The following CPE variants were observed in gnomAD, a reference collection of about 807,000 sequenced individuals.
CPE encodes the protein carboxypeptidase E, also known as carbocypeptidase E.
In CPE, 17 loss-of-function variants were observed where a neutral mutation model predicts 53.5. The observed-to-expected ratio is 0.32, with a 90% CI of 0.22 to 0.48. CPE has a LOEUF of 0.48. CPE is among the 20% of genes least tolerant of loss of function. The pLI is 0.99. For missense variants in CPE, 524 were observed against 614.7 expected, an observed-to-expected ratio of 0.85 and a Z score of 1.56; for synonymous variants, 226 against 228.8, an observed-to-expected ratio of 0.99 and a Z score of 0.11.
At chr4:165,492,887 G>A (rs1315996098) in intron 6 of CPE, among the ~76,000 whole-genome samples, 1 of 152,104 alleles carries the variant, frequency 6.6e-6, no homozygotes, top group African/African-American at 2.4e-5. Flanking sequence ...ATGAGGAGTG[G>A]TCTCCTCCCT....
intron 7 of CPE, among the ~76,000 whole-genome samples, chr4:165,495,266 C>CT (rs988517136): frequency 1.3e-5 from 2 of 152,014 alleles, no homozygotes; most frequent in Admixed American, 6.5e-5. Flanking sequence ...ATTCATCTGT[C>CT]TTTTTACCTG....
intron 1 of CPE, among the ~76,000 whole-genome samples, chr4:165,407,536 C>T (rs367863332): frequency 2.1e-3 from 324 of 151,090 alleles, no homozygotes; most frequent in Non-Finnish European, 2.6e-3. Context: ...AGCATCATGC[C>T]GGGCTTCAAT....
chr4:165,413,963 A>G (rs28431041), intron 1 of CPE, among the ~76,000 whole-genome samples: 64 of 152,334 alleles, frequency 4.2e-4, no homozygotes, highest in African/African-American at 1.5e-3. Context: ...TTTGACGAGT[A>G]TTCTATTTTG....
intron 1 of CPE, chr4:165,415,045 CTTTAA>C (rs1731100210): frequency 1.2e-5 from 2 of 160,934 alleles, no homozygotes; most frequent in Admixed American, 6.6e-5. Context: ...GGTTTTGAAT[CTTTAA>C]TTTATCTCCT....
At chr4:165,493,100 A>G in intron 6 of CPE, 71 bp from the exon 7 acceptor site, 2 of 939,290 alleles carry the variant, frequency 2.1e-6, no homozygotes, top group Non-Finnish European at 3.4e-6. Context: ...GCTTGATATG[A>G]AACATATTTA....
intron 1 of CPE, among the ~76,000 whole-genome samples, chr4:165,441,422 ATTTGAAT>A (rs1445790790): frequency 6.6e-6 from 1 of 152,100 alleles, no homozygotes; most frequent in Admixed American, 6.6e-5. Context: ...TGGAGCCATC[ATTTGAAT>A]TTCCATCACG....
chr4:165,465,963 A>G (rs1262230044), intron 2 of CPE, among the ~76,000 whole-genome samples: 1 of 152,216 alleles, frequency 6.6e-6, no homozygotes, highest in Non-Finnish European at 1.5e-5. Flanking sequence ...GTGAAATTTG[A>G]TAAATATCTC....
chr4:165,479,996 A>C (rs1732375596), intron 3 of CPE, among the ~76,000 whole-genome samples: 1 of 151,798 alleles, frequency 6.6e-6, no homozygotes, highest in Non-Finnish European at 1.5e-5. Context: ...CGCCTCAAAA[A>C]AAAAAAAAAA....
intron 1 of CPE, among the ~76,000 whole-genome samples, chr4:165,424,160 C>A (rs1463503592): frequency 6.6e-6 from 1 of 151,522 alleles, no homozygotes; most frequent in Non-Finnish European, 1.5e-5. Flanking sequence ...AGATATTTTG[C>A]CTTTTCAAAT....
chr4:165,433,490 T>C (rs1731445934), intron 1 of CPE, among the ~76,000 whole-genome samples: 1 of 152,184 alleles, frequency 6.6e-6, no homozygotes, highest in South Asian at 2.1e-4. Context: ...CTTATTATCC[T>C]CTCAGCCCCT....
Position 165,379,748 on chromosome 4 carries a change from C to T in CPE, c.307+220C>T, listed in dbSNP as rs1328090073. Among the ~76,000 whole-genome samples the T allele has an allele frequency of 6.6e-6, 1 of 152,200 alleles. No individual in the cohort carries two copies. On this transcript the variant is annotated intron_variant, in intron 1 of 8. Transcript: ENST00000402744. This position sits in a 1 kb window ranked among gnomAD's most constrained non-coding sequence, Gnocchi z 6.0. ...CAATTTCTGCTTTCCCGTCCCATCC[C>T]CCCAGCACCAATCCCATCTCCCCAG...
At position 165,393,416 on chromosome 4, in the gene CPE, T is replaced by C. The variant is rs527260545; in HGVS notation, c.307+13888T>C. ...TTAGGGTAAATTTATTTTGAATTAC[T>C]CCTGATGTTAAACCCAATCTTCATT... On this transcript the variant is annotated intron_variant, in intron 1 of 8. Coordinates refer to ENST00000402744, the MANE Select transcript of CPE (RefSeq NM_001873.4). Among the ~76,000 whole-genome samples the C allele has an allele frequency of 8.5e-5, 13 of 152,324 alleles. No homozygotes were observed. In the East Asian group the frequency reaches 2.3e-3, roughly 27 times the overall value.
chr4:165,469,612 C>CT (rs1228392835), intron 3 of CPE, among the ~76,000 whole-genome samples: 3 of 152,192 alleles, frequency 2.0e-5, no homozygotes, highest in South Asian at 4.1e-4. Flanking sequence ...AAGACAGATT[C>CT]TTTTTTCACA....
intron 1 of CPE, among the ~76,000 whole-genome samples, chr4:165,417,367 GC>G (rs1379798177): frequency 6.6e-6 from 1 of 152,136 alleles, no homozygotes; most frequent in African/African-American, 2.4e-5. Flanking sequence ...TCATTATAGA[GC>G]AGTTTCTAAG....
At chr4:165,384,051 G>A (rs1730546082) in intron 1 of CPE, among the ~76,000 whole-genome samples, 1 of 152,168 alleles carries the variant, frequency 6.6e-6, no homozygotes, top group Admixed American at 6.5e-5. Flanking sequence ...TTCAGAGGTG[G>A]CAGACGACTC....
chr4:165,426,337 G>A (rs1731317258), intron 1 of CPE, among the ~76,000 whole-genome samples: 1 of 152,148 alleles, frequency 6.6e-6, no homozygotes, highest in Non-Finnish European at 1.5e-5. Flanking sequence ...GTTTAAACAG[G>A]AAAAATGTTA....
intron 3 of CPE, among the ~76,000 whole-genome samples, chr4:165,476,263 T>C (rs942227130): frequency 2.0e-5 from 3 of 152,178 alleles, no homozygotes; most frequent in African/African-American, 4.8e-5. Flanking sequence ...ACCTTTTGAC[T>C]TGGGGCTTTA....
intron 1 of CPE, among the ~76,000 whole-genome samples, chr4:165,387,333 G>A (rs945146827): frequency 6.6e-6 from 1 of 152,032 alleles, no homozygotes; most frequent in Non-Finnish European, 1.5e-5. Context: ...TTCCACTACT[G>A]GTAAATATTT....
intron 1 of CPE, among the ~76,000 whole-genome samples, chr4:165,401,723 T>A (rs1023906160): frequency 6.6e-6 from 1 of 152,212 alleles, no homozygotes; most frequent in Non-Finnish European, 1.5e-5. Flanking sequence ...GAACATGAAA[T>A]ACTTTTGGAA....
Sources: allele counts gnomAD v4.1 joint callset (sites outside exome capture counted in the v4.1 genomes callset), GRCh38; gene constraint gnomAD v4.1.1; non-coding constraint Gnocchi (gnomAD v3.1); transcripts MANE v1.5; gene names NCBI Gene and HGNC (gene_info 2026-07-23, HGNC 2026-07-21).